Variants in AGTPBP1 observed in about 807,000 individuals in gnomAD.
The protein encoded by AGTPBP1 is cytosolic carboxypeptidase 1.
Under a neutral mutation model 143.9 loss-of-function variants are expected in AGTPBP1, and 70 were observed. The ratio of observed to expected loss-of-function variants is 0.49; its 90% CI spans 0.40 to 0.59. The LOEUF is 0.59. AGTPBP1 is among the 20% of genes least tolerant of loss of function. The pLI is 0.00. For synonymous variants in AGTPBP1, 463 were observed against 500.2 expected (o/e 0.93, Z 0.99); for missense variants, 1,229 against 1,464.5 (o/e 0.84, Z 2.62).
Position 85,633,175 on chromosome 9 carries a change from T to C in AGTPBP1, c.1502A>G (p.Asp501Gly). Residue 501 changes from aspartate to glycine, a missense_variant, in exon 14 of 26, where the codon GAT becomes GGT. This residue lies in a region of AGTPBP1 where 743 missense variants were observed against 812.2 expected (regional missense o/e 0.91). Coordinates refer to ENST00000357081, the MANE Select transcript of AGTPBP1 (RefSeq NM_001330701.2). ...TAATGTTCTATCATTATCTTTAATA[T>C]CTTCTTTTGCTAGATCCATAAAGGT... ...KSTFMDLAKEDIKDNDRTLQQ... is the reference protein window; with the variant it reads ...KSTFMDLAKEGIKDNDRTLQQ... 1 of 1,613,528 alleles carries C rather than the reference T, an allele frequency of 6.2e-7. No individual in the cohort carries two copies. The highest frequency in any genetic ancestry group is 8.5e-7 in the Non-Finnish European group (1 of 1,179,874).
chr9:85,696,074 T>G (rs934720642), intron 2 of AGTPBP1, among the ~76,000 whole-genome samples: 1 of 152,166 alleles, frequency 6.6e-6, no homozygotes, highest in Non-Finnish European at 1.5e-5. Flanking sequence ...ACTTGTGATC[T>G]CAAGTGATCT....
At chr9:85,660,892 C>A (rs1375164045) in intron 9 of AGTPBP1, 44 bp downstream of exon 9, 7 of 1,353,240 alleles carry the variant, frequency 5.2e-6, no homozygotes, top group Non-Finnish European at 5.1e-6. Flanking sequence ...AAATAGAATT[C>A]TCAGAAAAAT....
chr9:85,643,616 A>G (rs977614392), intron 12 of AGTPBP1, among the ~76,000 whole-genome samples: 3 of 152,198 alleles, frequency 2.0e-5, no homozygotes, highest in Non-Finnish European at 4.4e-5. Flanking sequence ...AGTGGGGGAA[A>G]AAAGTCAGGA....
In AGTPBP1 at chr9:85,603,368, ACAGGCCC is replaced by A. The variant is rs375824424; in HGVS notation, c.2336-6926_2336-6920del. Among the ~76,000 whole-genome samples, 42 of 152,326 alleles carry A rather than the reference ACAGGCCC, an allele frequency of 2.8e-4. 1 individual carries two copies. The highest frequency in any genetic ancestry group is 9.9e-4 in the African/African-American group (41 of 41,582). ...CAGGCAGAGTCCTGAGGCCACCATT[ACAGGCCC>A]CAGGCCCCAGGTGACATTTCTAAAC... On this transcript the variant is annotated intron_variant, in intron 17 of 25. Transcript: ENST00000357081.
intron 17 of AGTPBP1, among the ~76,000 whole-genome samples, chr9:85,606,355 C>T (rs1829987147): frequency 4.0e-5 from 6 of 150,178 alleles, no homozygotes; most frequent in Admixed American, 2.6e-4. Context: ...AATGAGATAC[C>T]ATCTTACCCC....
intron 2 of AGTPBP1, among the ~76,000 whole-genome samples, chr9:85,711,221 T>C (rs1010164990): frequency 6.6e-6 from 1 of 152,176 alleles, no homozygotes; most frequent in African/African-American, 2.4e-5. Context: ...AGCATTATCA[T>C]TAAAGTAATT....
At chr9:85,655,362 G>T in intron 10 of AGTPBP1, 42 bp from the exon 11 acceptor site, 1 of 1,442,134 alleles carries the variant, frequency 6.9e-7, no homozygotes, top group Non-Finnish European at 9.2e-7. Flanking sequence ...TGTTTTTGAT[G>T]AATAACTGAA....
At chr9:85,799,922 C>T in the AGTPBP1 span, among the ~76,000 whole-genome samples, 1 of 151,606 alleles carries the variant, frequency 6.6e-6, no homozygotes, top group South Asian at 2.1e-4. Context: ...AGACAGTCAA[C>T]AAGCCACACT....
chr9:85,655,709 G>A (rs918635544), intron 10 of AGTPBP1, among the ~76,000 whole-genome samples: 26 of 151,566 alleles, frequency 1.7e-4, no homozygotes, highest in African/African-American at 4.6e-4. Context: ...AAAAAAACAC[G>A]CATTTGACCA....
At chr9:85,756,070 G>A in the AGTPBP1 span, 1 of 1,520,734 alleles carries the variant, frequency 6.6e-7, no homozygotes, top group Non-Finnish European at 8.8e-7. Context: ...TAATTTTAAT[G>A]TAGAAATTGG....
intron 1 of AGTPBP1, among the ~76,000 whole-genome samples, chr9:85,714,796 T>C (rs1328187672): frequency 6.6e-6 from 1 of 152,190 alleles, no homozygotes; most frequent in African/African-American, 2.4e-5. Flanking sequence ...ATAACATATT[T>C]AAGAATATTT....
At chr9:85,723,743 C>A (rs563619430) in intron 1 of AGTPBP1, among the ~76,000 whole-genome samples, 2 of 152,260 alleles carry the variant, frequency 1.3e-5, no homozygotes, top group East Asian at 3.9e-4. Flanking sequence ...GTTGGAAATG[C>A]AGAAATCACC....
chr9:85,793,629 G>T, the AGTPBP1 span: 2 of 152,104 alleles, frequency 1.3e-5, no homozygotes, highest in Non-Finnish European at 2.9e-5. Flanking sequence ...CAGAAAAGAA[G>T]AATACTAACA....
At chr9:85,630,391 C>CTTACTTATTTATTTAT (rs777830669) in intron 14 of AGTPBP1, among the ~76,000 whole-genome samples, 12 of 151,374 alleles carry the variant, frequency 7.9e-5, no homozygotes, top group African/African-American at 2.4e-4. Flanking sequence ...TACTTACTTA[C>CTTACTTATTTATTTAT]TTATTTATTT....
chr9:85,657,327 T>C, intron 10 of AGTPBP1, 108 bp downstream of exon 10: 1 of 996,276 alleles, frequency 1.0e-6, no homozygotes, highest in Non-Finnish European at 1.4e-6. Context: ...GAAAAATGCA[T>C]TTATCCTGTG....
chr9:85,675,217 C>A (rs1448052945), intron 6 of AGTPBP1, among the ~76,000 whole-genome samples: 1 of 152,040 alleles, frequency 6.6e-6, no homozygotes, highest in African/African-American at 2.4e-5. Flanking sequence ...TCTTAAAACA[C>A]AATTCTAATA....
At chr9:85,597,064 G>C (rs745556212) in intron 17 of AGTPBP1, among the ~76,000 whole-genome samples, 7 of 151,976 alleles carry the variant, frequency 4.6e-5, no homozygotes, top group Non-Finnish European at 1.0e-4. Flanking sequence ...TTATAGAAAG[G>C]CTGACAATTT....
chr9:85,741,463 C>T (rs1396929119), intron 1 of AGTPBP1: 6 of 985,234 alleles, frequency 6.1e-6, no homozygotes, highest in Non-Finnish European at 7.2e-6. Flanking sequence ...GAAAGGGCGG[C>T]CTCCGCCCAG....
intron 1 of AGTPBP1, among the ~76,000 whole-genome samples, chr9:85,739,951 C>T (rs940669163): frequency 6.6e-6 from 1 of 150,780 alleles, no homozygotes; most frequent in Non-Finnish European, 1.5e-5. Flanking sequence ...TGCAGTGAGC[C>T]GAGATCGCAC....
Sources: gnomAD v4.1 joint callset for allele counts (sites outside exome capture counted in the v4.1 genomes callset) on GRCh38, gnomAD v4.1.1 for gene constraint, gnomAD v4.1.1 regional missense constraint, MANE v1.5 for transcripts, NCBI Gene and HGNC (gene_info 2026-07-23, HGNC 2026-07-21) for gene names.